SRSF5: variants seen among roughly 807,000 people sequenced by gnomAD.
SRSF5 encodes the protein serine and arginine rich splicing factor 5, also known as serine/arginine-rich splicing factor 5.
SRSF5 carries 5 observed loss-of-function variants against 34.0 expected under a neutral mutation model. That is an observed-to-expected ratio of 0.15 (90% confidence interval 0.08 to 0.31). SRSF5 has a LOEUF of 0.31. Among genes scored for constraint, SRSF5 ranks in the 10% least tolerant of loss-of-function variants. The pLI, the probability that SRSF5 is intolerant of heterozygous loss-of-function variation, is 1.00. For missense variants in SRSF5, 223 were observed against 351.4 expected (o/e 0.63, Z 2.92); for synonymous variants, 164 against 117.7 (o/e 1.39, Z -2.55).
At chr14:69,768,112 A>C (rs745726394) in intron 1 of SRSF5, 26 bp from the exon 2 acceptor site, 3 of 1,613,162 alleles carry the variant, frequency 1.9e-6, no homozygotes, top group Non-Finnish European at 2.5e-6. Flanking sequence ...CATTGCTATT[A>C]TCTCGATTGA....
At position 69,768,131 on chromosome 14, in the gene SRSF5, C is replaced by A. The variant is rs761916066; in HGVS notation, c.-19-7C>A. On this transcript the variant is annotated splice_polypyrimidine_tract_variant and splice_region_variant and intron_variant, in intron 1 of 7. Transcript: ENST00000557154. ...GCTATTATCTCGATTGAATTACTTT[C>A]TAATAGGAAGTACTAGCCGGACATC... is the stretch of plus-strand genomic sequence containing the variant. The A allele has an allele frequency of 1.9e-6, 3 of 1,613,850 alleles. No individual in the cohort carries two copies. In the South Asian group the frequency reaches 3.3e-5, roughly 18 times the overall value.
Position 69,768,880 on chromosome 14 carries a change from C to T in SRSF5, c.280C>T (p.Pro94Ser). The stretch of plus-strand genomic sequence containing the variant: ...CTCTGACCGTTTTAGTAGTCGCAGA[C>T]CTCGAAATGATAGACGGTATGTGAA... ...RYSDRFSSRR[P>S]RNDRRNAPPV... The change falls in exon 4 of 8, where the codon CCT (proline) becomes TCT (serine). Residue 94 changes from proline to serine, a missense_variant. Around this residue, in one of 4 missense-constraint regions of SRSF5, gnomAD observed 44 missense variants for 44.3 expected, o/e 0.99. Transcript: ENST00000557154. The T allele has an allele frequency of 6.2e-7, 1 of 1,614,100 alleles. No homozygotes were observed. Among genetic ancestry groups the T allele is most frequent in the Non-Finnish European group, 8.5e-7 (1 of 1,179,992 alleles).
In SRSF5 at chr14:69,771,976, T is replaced by C. The variant is rs1883264929; in HGVS notation, c.*515T>C. 6.5e-6 allele frequency: 1 copy of C among 154,144 alleles called. No homozygotes were observed. The highest frequency in any genetic ancestry group is 1.4e-5 in the Non-Finnish European group (1 of 69,120). 9.5% of individuals were successfully genotyped at this position (154,144 alleles called of 1,614,324 possible). On this transcript the variant is annotated 3_prime_UTR_variant, in exon 8 of 8. Coordinates refer to ENST00000557154, the MANE Select transcript of SRSF5 (RefSeq NM_001320214.2). The stretch of plus-strand genomic sequence containing the variant: ...GGACAGACACATTAGAGCAGCTGTT[T>C]GTTATTGATAATAAAATATTATAAA...
rs542063061 is a variant in SRSF5, at chr14:69,768,286, A to G, written c.126+4A>G. ...GAAAAGAGGCTTTGGTTTTGTGGTAAGTATTTAGAACTGGGTGAATTATCT... is the reference window on the plus strand; with the variant it reads ...GAAAAGAGGCTTTGGTTTTGTGGTAGGTATTTAGAACTGGGTGAATTATCT... On this transcript the variant is annotated splice_donor_region_variant and intron_variant, in intron 2 of 7. Coordinates refer to ENST00000557154, the MANE Select transcript of SRSF5 (RefSeq NM_001320214.2). 1.9e-6 allele frequency: 3 copies of G among 1,614,194 alleles called. No homozygotes were observed. The South Asian group carries it at 3.3e-5, about 18-fold the overall frequency.
At position 69,771,191 on chromosome 14, in the gene SRSF5, T is replaced by C. The variant is rs1215703202; in HGVS notation, c.552-3T>C. On this transcript the variant is annotated splice_polypyrimidine_tract_variant and splice_region_variant and intron_variant, in intron 7 of 7. Coordinates refer to ENST00000557154, the MANE Select transcript of SRSF5 (RefSeq NM_001320214.2). ...TAGGCTGATTTCTTTTCATTTTTCA[T>C]AGTAGGTCAAGAAGCAGGTCTCGAT... The C allele has an allele frequency of 6.2e-6, 10 of 1,613,904 alleles. No homozygotes were observed. Among genetic ancestry groups the C allele is most frequent in the Non-Finnish European group, 3.4e-6 (4 of 1,179,918 alleles).
chr14:69,768,581 A>C, intron 2 of SRSF5, 23 bp from the exon 3 acceptor site: 2 of 1,610,530 alleles, frequency 1.2e-6, no homozygotes, highest in Non-Finnish European at 1.7e-6. Flanking sequence ...GCCAATGTTA[A>C]GAGTCTTATG....
chr14:69,768,540 C>G (rs1230430459), intron 2 of SRSF5, 64 bp from the exon 3 acceptor site: 3 of 1,479,864 alleles, frequency 2.0e-6, no homozygotes, highest in African/African-American at 2.8e-5. Context: ...GATTTCAGTG[C>G]TCTTAATGTG....
In SRSF5 at chr14:69,771,214, G is replaced by A. The variant is rs747616404; in HGVS notation, c.572G>A (p.Arg191Gln). The change falls in exon 8 of 8, where the codon CGA becomes CAA. Residue 191 changes from arginine (R) to glutamine (Q), a missense_variant. Around this residue, in one of 4 missense-constraint regions of SRSF5, gnomAD observed 115 missense variants for 119.7 expected, o/e 0.96. Transcript: ENST00000557154. ...CATAGTAGGTCAAGAAGCAGGTCTCGATCCCGGACCAGAAGTTCCTCTAGG... is the reference window on the plus strand; with the variant it reads ...CATAGTAGGTCAAGAAGCAGGTCTCAATCCCGGACCAGAAGTTCCTCTAGG... The part of the protein sequence containing the change: ...KRHSRSRSRS[R>Q]SRTRSSSRSR... The A allele has an allele frequency of 1.2e-6, 2 of 1,614,104 alleles. No homozygotes were observed. Among genetic ancestry groups the A allele is most frequent in the African/African-American group, 1.3e-5 (1 of 75,000 alleles).
At chr14:69,768,348 G>A (rs1398835938) in intron 2 of SRSF5, 66 bp downstream of exon 2, 7 of 1,591,702 alleles carry the variant, frequency 4.4e-6, no homozygotes, top group African/African-American at 1.3e-5. Context: ...AGTTGTTTTC[G>A]ATCTTGAGTC....
rs756406477 is a variant in SRSF5, at chr14:69,771,327, T to G, written c.685T>G (p.Ser229Ala). ...GAGCCGGAGCCGGAGCAAGTCCCGT[T>G]CTGTTAGTAGGTCTCCCGTGCCTGA... ...SRSRSRSKSRSVSRSPVPEKS... is the reference protein window; with the variant it reads ...SRSRSRSKSRAVSRSPVPEKS... Residue 229 changes from serine (S) to alanine (A), a missense_variant, in exon 8 of 8, where the codon TCT (serine) becomes GCT (alanine). Ser to Ala is a moderately conservative substitution (Grantham distance 99). Around this residue, in one of 4 missense-constraint regions of SRSF5, gnomAD observed 115 missense variants for 119.7 expected, o/e 0.96. Transcript: ENST00000557154. The G allele has an allele frequency of 6.2e-7, 1 of 1,614,116 alleles. No homozygotes were observed. The highest frequency in any genetic ancestry group is 8.5e-7 in the Non-Finnish European group (1 of 1,180,000).
intron 7 of SRSF5, 28 bp downstream of exon 7, chr14:69,771,133 T>G: frequency 6.2e-7 from 1 of 1,612,990 alleles, no homozygotes; most frequent in Non-Finnish European, 8.5e-7. Context: ...AAGTCAAAAG[T>G]TGTATTTAAT....
chr14:69,770,544 T>A lies in SRSF5; in HGVS notation c.440+4T>A. On this transcript the variant is annotated splice_donor_region_variant and intron_variant, in intron 6 of 7. Coordinates refer to ENST00000557154, the MANE Select transcript of SRSF5 (RefSeq NM_001320214.2). ...ACCGACCTAAATTAAATGAAGGGTA[T>A]GTACTGGAAACTGTGAAAGTCTTTA... 1 of 1,611,594 alleles carries A rather than the reference T, an allele frequency of 6.2e-7. No homozygotes were observed. The highest frequency in any genetic ancestry group is 8.5e-7 in the Non-Finnish European group (1 of 1,178,632).
Position 69,771,211 on chromosome 14 carries a change from C to T in SRSF5, c.569C>T (p.Ser190Phe). Reference sequence around the variant, plus strand: ...TTTCATAGTAGGTCAAGAAGCAGGTCTCGATCCCGGACCAGAAGTTCCTCT... The same window carrying T: ...TTTCATAGTAGGTCAAGAAGCAGGTTTCGATCCCGGACCAGAAGTTCCTCT... Reference protein sequence around the residue: ...SKRHSRSRSRSRSRTRSSSRS... With the variant: ...SKRHSRSRSRFRSRTRSSSRS... Residue 190 changes from serine to phenylalanine, a missense_variant, in exon 8 of 8, where the codon TCT (serine) becomes TTT (phenylalanine). Coordinates refer to ENST00000557154, the MANE Select transcript of SRSF5 (RefSeq NM_001320214.2). 6.2e-7 allele frequency: 1 copy of T among 1,614,134 alleles called. No homozygotes were observed. Among genetic ancestry groups the T allele is most frequent in the Non-Finnish European group, 8.5e-7 (1 of 1,180,036 alleles).
chr14:69,767,644 C>A, intron 1 of SRSF5: 1 of 417,258 alleles, frequency 2.4e-6, no homozygotes, highest in Admixed American at 2.8e-5. Context: ...GAATTTGGCA[C>A]GCGCAGCTCT....
chr14:69,768,196 G>T lies in SRSF5; in HGVS notation c.40G>T (p.Ala14Ser), dbSNP rs778826668. Residue 14 changes from alanine to serine, a missense_variant, in exon 2 of 8, where the codon GCG (alanine) becomes TCG (serine). Coordinates refer to ENST00000557154, the MANE Select transcript of SRSF5 (RefSeq NM_001320214.2). ...CRVFIGRLNP[A>S]AREKDVERFF... is the part of the protein sequence containing the mutation. ...GGTATTCATCGGGAGACTAAATCCA[G>T]CGGCCAGGGAGAAGGACGTGGAAAG... 6.2e-7 allele frequency: 1 copy of T among 1,614,226 alleles called. No homozygotes were observed. The highest frequency in any genetic ancestry group is 1.1e-5 in the South Asian group (1 of 91,090).
At chr14:69,770,930 T>C in intron 6 of SRSF5, 65 bp from the exon 7 acceptor site, 1 of 1,365,398 alleles carries the variant, frequency 7.3e-7, no homozygotes, top group Non-Finnish European at 1.0e-6. Flanking sequence ...TTACCTAGAC[T>C]GCTGTGTGCA....
At chr14:69,770,810 C>T in intron 6 of SRSF5, 185 bp from the exon 7 acceptor site, 1 of 669,226 alleles carries the variant, frequency 1.5e-6, no homozygotes, top group Non-Finnish European at 2.5e-6. Context: ...ACCCCCTCAA[C>T]AATGAATTGG....
intron 2 of SRSF5, 39 bp from the exon 3 acceptor site, chr14:69,768,565 T>C: frequency 6.3e-7 from 1 of 1,593,474 alleles, no homozygotes; most frequent in Non-Finnish European, 8.6e-7. Flanking sequence ...AGAATACTCT[T>C]CTAAAGCCAA....
At chr14:69,769,619 G>A in intron 5 of SRSF5, 1 of 1,535,098 alleles carries the variant, frequency 6.5e-7, no homozygotes. Context: ...AGCTCCTACA[G>A]TGATCAGTTG....
Sources: gnomAD v4.1 joint callset for allele counts on GRCh38, gnomAD v4.1.1 for gene constraint, gnomAD v4.1.1 regional missense constraint, MANE v1.5 for transcripts, NCBI Gene and HGNC (gene_info 2026-07-23, HGNC 2026-07-21) for gene names.